Variants in DAGLA observed in about 807,000 individuals in gnomAD.
DAGLA encodes diacylglycerol lipase-alpha.
DAGLA carries 22 observed loss-of-function variants against 102.6 expected under a neutral mutation model. That is an observed-to-expected ratio of 0.21 (90% CI 0.15 to 0.31). The LOEUF (loss-of-function observed/expected upper bound fraction) is 0.31. DAGLA is among the 10% of genes least tolerant of loss of function. DAGLA has a pLI of 1.00. For missense variants in DAGLA, 927 were observed against 1,446.6 expected, an observed-to-expected ratio of 0.64 and a Z score of 5.83; for synonymous variants, 578 against 628.9, an observed-to-expected ratio of 0.92 and a Z score of 1.21.
chr11:61,698,070 CA>C (rs1164652523), intron 1 of DAGLA, among the ~76,000 whole-genome samples: 1 of 152,266 alleles, frequency 6.6e-6, no homozygotes, highest in Admixed American at 6.5e-5. Context: ...CTTATGTTTA[CA>C]TTATCATCAG....
rs2065535246 is a variant in DAGLA at position 61,746,027 on chromosome 11, T to A, written c.*1538T>A. On this transcript the variant is annotated 3_prime_UTR_variant, in exon 20 of 20. Coordinates refer to ENST00000257215, the MANE Select transcript of DAGLA (RefSeq NM_006133.3). The stretch of plus-strand genomic sequence containing the variant: ...GTGCCTTCATTCTGCAGCGGCATGG[T>A]CCCTCCCATTCTGGCTCCACCTGCA... The A allele has an allele frequency of 6.6e-6, 1 of 152,348 alleles. No individual in the cohort carries two copies. The highest frequency in any genetic ancestry group is 6.5e-5 in the Admixed American group (1 of 15,280). 9.4% of individuals were successfully genotyped at this position (152,348 alleles called of 1,614,324 possible).
At chr11:61,683,162 AC>A (rs1187844472) in intron 1 of DAGLA, among the ~76,000 whole-genome samples, 5 of 152,190 alleles carry the variant, frequency 3.3e-5, no homozygotes, top group Non-Finnish European at 7.4e-5. Context: ...TTAGCCAGCA[AC>A]CTGTTTCACA....
chr11:61,722,321 C>T (rs911889792), intron 3 of DAGLA, among the ~76,000 whole-genome samples: 1 of 152,200 alleles, frequency 6.6e-6, no homozygotes, highest in African/African-American at 2.4e-5. Context: ...CGCGGTGGCT[C>T]ATGCCTGTAA....
intron 1 of DAGLA, among the ~76,000 whole-genome samples, chr11:61,708,665 G>A (rs541426200): frequency 6.6e-4 from 101 of 152,338 alleles, no homozygotes; most frequent in African/African-American, 2.4e-3. Context: ...CTACAGGCGT[G>A]AGCCACCACG....
rs559852615 is a variant in DAGLA, at chr11:61,686,406, G to A, written c.-45+5902G>A. Among the ~76,000 whole-genome samples the A allele has an allele frequency of 5.9e-5, 9 of 152,314 alleles. No individual in the cohort carries two copies. Among genetic ancestry groups the A allele is most frequent in the Admixed American group, 2.0e-4 (3 of 15,306 alleles). On this transcript the variant is annotated intron_variant, in intron 1 of 19. Coordinates refer to ENST00000257215, the MANE Select transcript of DAGLA (RefSeq NM_006133.3). This position sits in a 1 kb window ranked among gnomAD's most constrained non-coding sequence, Gnocchi z 5.2. ...GAGGACCCACTGAGGGGGTTCCAGT[G>A]TTCACAGCACTTATTTCCAGGCATT...
intron 5 of DAGLA, among the ~76,000 whole-genome samples, chr11:61,724,564 C>T (rs938692705): frequency 1.1e-4 from 16 of 152,276 alleles, no homozygotes; most frequent in African/African-American, 3.1e-4. Flanking sequence ...CCCCGCTGCC[C>T]GGCAGGAATT....
chr11:61,718,642 C>T (rs753503994), intron 1 of DAGLA, among the ~76,000 whole-genome samples: 1 of 148,960 alleles, frequency 6.7e-6, no homozygotes. Flanking sequence ...CTCCCTCACT[C>T]TCCACCCTTC....
intron 5 of DAGLA, 74 bp downstream of exon 5, chr11:61,723,646 G>C: frequency 6.4e-7 from 1 of 1,568,204 alleles, no homozygotes; most frequent in Non-Finnish European, 8.7e-7. Context: ...CCATTCTTCA[G>C]AAGGCTACCC....
intron 6 of DAGLA, among the ~76,000 whole-genome samples, chr11:61,727,013 CTG>C (rs1162920374): frequency 3.9e-5 from 6 of 152,214 alleles, no homozygotes; most frequent in Non-Finnish European, 7.3e-5. Flanking sequence ...GCTGGGGCTG[CTG>C]TGTGGAGGGC....
chr11:61,694,079 G>A (rs1423141239), intron 1 of DAGLA, among the ~76,000 whole-genome samples: 4 of 152,260 alleles, frequency 2.6e-5, no homozygotes, highest in Non-Finnish European at 5.9e-5. Flanking sequence ...GGCTGGGAAG[G>A]CAGCCAAGGA....
intron 19 of DAGLA, among the ~76,000 whole-genome samples, chr11:61,742,263 C>T (rs192952708): frequency 2.6e-5 from 4 of 152,224 alleles, no homozygotes; most frequent in African/African-American, 9.6e-5. Flanking sequence ...GGGGCCACAG[C>T]GCCCTTGCTA....
intron 1 of DAGLA, among the ~76,000 whole-genome samples, chr11:61,689,323 C>A (rs188930407): frequency 6.6e-6 from 1 of 152,228 alleles, no homozygotes. Context: ...AGCACCTGCC[C>A]ACTTCACCCA....
Position 61,740,560 on chromosome 11 carries a change from C to T in DAGLA, c.1951C>T (p.Leu651=), listed in dbSNP as rs2065468978. ...IISPAMLHEH[L]PYVVMEGLNK... ...CTCGCCAGCCATGCTGCATGAGCACCTGCCCTATGTGGTCATGGAGGGGCT... is the reference window on the plus strand; with the variant it reads ...CTCGCCAGCCATGCTGCATGAGCACTTGCCCTATGTGGTCATGGAGGGGCT... Residue 651 remains leucine, a synonymous_variant, in exon 18 of 20, where the codon CTG becomes TTG. Transcript: ENST00000257215. The T allele has an allele frequency of 6.2e-7, 1 of 1,613,834 alleles. No homozygotes were observed. Among genetic ancestry groups the T allele is most frequent in the East Asian group, 2.2e-5 (1 of 44,878 alleles).
chr11:61,683,393 T>C (rs1309634672), intron 1 of DAGLA, among the ~76,000 whole-genome samples: 1 of 152,068 alleles, frequency 6.6e-6, no homozygotes, highest in Non-Finnish European at 1.5e-5. Context: ...CCATGGCCTG[T>C]CTCACCCGCT....
intron 12 of DAGLA, 113 bp from the exon 13 acceptor site, chr11:61,736,157 A>C: frequency 1.2e-6 from 1 of 863,768 alleles, no homozygotes; most frequent in Non-Finnish European, 1.9e-6. Flanking sequence ...GGTTGTCACG[A>C]GGCCCAAAGG....
At chr11:61,721,420 G>A (rs1380617313) in intron 3 of DAGLA, among the ~76,000 whole-genome samples, 1 of 152,144 alleles carries the variant, frequency 6.6e-6, no homozygotes, top group East Asian at 1.9e-4. Flanking sequence ...AGGTTTTATT[G>A]GCACATATCC....
intron 1 of DAGLA, among the ~76,000 whole-genome samples, chr11:61,696,153 TGGGCACCCCGTTCCGTA>T (rs1221795864): frequency 3.9e-5 from 6 of 152,294 alleles, no homozygotes; most frequent in Admixed American, 1.3e-4. Flanking sequence ...CGGGAGGGGC[TGGGCACCCCGTTCCGTA>T]GGTGTCAGCG....
intron 17 of DAGLA, 95 bp from the exon 18 acceptor site, chr11:61,740,368 G>A (rs2065466872): frequency 1.3e-6 from 2 of 1,497,236 alleles, no homozygotes; most frequent in Non-Finnish European, 1.8e-6. Flanking sequence ...TGCCAGCTCT[G>A]CTGAGCAGGG....
At chr11:61,692,015 G>A (rs2065028210) in intron 1 of DAGLA, among the ~76,000 whole-genome samples, 2 of 152,188 alleles carry the variant, frequency 1.3e-5, no homozygotes, top group Non-Finnish European at 2.9e-5. Context: ...GGCTGGCTGG[G>A]CCCAGATGTG....
Sources: allele counts gnomAD v4.1 joint callset (sites outside exome capture counted in the v4.1 genomes callset), GRCh38; gene constraint gnomAD v4.1.1; non-coding constraint Gnocchi (gnomAD v3.1); transcripts MANE v1.5; gene names NCBI Gene and HGNC (gene_info 2026-07-23, HGNC 2026-07-21).